FHIT: variants seen among roughly 807,000 people sequenced by gnomAD.
FHIT encodes the protein fragile histidine triad diadenosine triphosphatase.
In FHIT, 19 loss-of-function variants were observed where a neutral mutation model predicts 17.9. The observed-to-expected ratio is 1.06, with a 90% CI of 0.74 to 1.56. FHIT has a LOEUF of 1.56. Ranked by LOEUF, FHIT falls within the 40% of genes most tolerant of loss-of-function variation. FHIT has a pLI of 0.00. For missense variants in FHIT, 248 were observed against 189.2 expected, an observed-to-expected ratio of 1.31 and a Z score of -1.82; for synonymous variants, 81 against 69.7, an observed-to-expected ratio of 1.16 and a Z score of -0.81.
chr3:60,254,422 T>C (rs1403182923), intron 5 of FHIT, among the ~76,000 whole-genome samples: 5 of 152,084 alleles, frequency 3.3e-5, no homozygotes, highest in Non-Finnish European at 7.4e-5. Context: ...AAATTAGAGA[T>C]ACTATATCAA....
intron 8 of FHIT, among the ~76,000 whole-genome samples, chr3:59,856,071 A>G (rs891198929): frequency 3.9e-5 from 6 of 152,122 alleles, no homozygotes; most frequent in Non-Finnish European, 4.4e-5. Flanking sequence ...GTGAGCCACC[A>G]CGCCCAGCCA....
intron 5 of FHIT, among the ~76,000 whole-genome samples, chr3:60,179,809 T>G (rs1701843798): frequency 6.6e-6 from 1 of 152,174 alleles, no homozygotes; most frequent in Admixed American, 6.5e-5. Context: ...CATTTCTTCC[T>G]GACATCTTGG....
At position 60,564,876 on chromosome 3, in the gene FHIT, A is replaced by G. The variant is rs114116984; in HGVS notation, c.-17-27897T>C. Among the ~76,000 whole-genome samples, 1,429 of 152,332 alleles carry G rather than the reference A, an allele frequency of 9.4e-3. 8 individuals are homozygous for G. Among genetic ancestry groups the G allele is most frequent in the Non-Finnish European group, 0.016 (1,061 of 68,026 alleles). On this transcript the variant is annotated intron_variant, in intron 4 of 9. Coordinates refer to ENST00000492590, the MANE Select transcript of FHIT (RefSeq NM_002012.4). ...GTTGATAAAACAACAGCACTGTCAAAGACGATTAACTCTAATTTTAAAATA... is the reference window on the plus strand; with the variant it reads ...GTTGATAAAACAACAGCACTGTCAAGGACGATTAACTCTAATTTTAAAATA...
chr3:59,918,529 G>A (rs760025492), intron 8 of FHIT, among the ~76,000 whole-genome samples: 22 of 152,018 alleles, frequency 1.4e-4, no homozygotes, highest in Admixed American at 6.6e-4. Flanking sequence ...AAACTCACCT[G>A]GGGCCAGAGC....
intron 7 of FHIT, among the ~76,000 whole-genome samples, chr3:59,993,717 C>G (rs924095973): frequency 1.2e-4 from 18 of 151,692 alleles, no homozygotes; most frequent in African/African-American, 1.9e-4. Context: ...ACTAGGACTC[C>G]CCCAACATTT....
intron 4 of FHIT, among the ~76,000 whole-genome samples, chr3:60,638,465 A>G (rs558800494): frequency 6.6e-6 from 1 of 152,326 alleles, no homozygotes; most frequent in Admixed American, 6.5e-5. Flanking sequence ...GGATAATAGT[A>G]CATTACATCA....
intron 5 of FHIT, among the ~76,000 whole-genome samples, chr3:60,389,736 T>C (rs1701148966): frequency 6.6e-6 from 1 of 152,224 alleles, no homozygotes; most frequent in Non-Finnish European, 1.5e-5. Flanking sequence ...ATTGTTCACT[T>C]AAGTAAACAC....
At chr3:60,463,372 A>G (rs542323126) in intron 5 of FHIT, among the ~76,000 whole-genome samples, 3 of 152,298 alleles carry the variant, frequency 2.0e-5, no homozygotes, top group East Asian at 1.9e-4. Flanking sequence ...CTTTTGGTTG[A>G]TAAGGATTTA....
chr3:59,901,949 T>C (rs111410053), intron 8 of FHIT, among the ~76,000 whole-genome samples: 1,832 of 152,284 alleles, frequency 0.012, 14 homozygotes, highest in Admixed American at 0.029. Context: ...TGGAATATTA[T>C]TTAGCAATAA....
At chr3:60,057,694 A>G (rs1448477163) in intron 5 of FHIT, among the ~76,000 whole-genome samples, 11 of 136,064 alleles carry the variant, frequency 8.1e-5, no homozygotes, top group East Asian at 8.1e-4. Flanking sequence ...AGGCCTCTCG[A>G]AAAAAAAAAA....
At chr3:60,579,233 CGCTATAT>C (rs2037676076) in intron 4 of FHIT, among the ~76,000 whole-genome samples, 1 of 152,088 alleles carries the variant, frequency 6.6e-6, no homozygotes, top group South Asian at 2.1e-4. Context: ...ATAGGCTATA[CGCTATAT>C]GCTATATGCT....
intron 2 of FHIT, among the ~76,000 whole-genome samples, chr3:61,124,083 G>T (rs1348387932): frequency 1.3e-5 from 2 of 152,124 alleles, no homozygotes; most frequent in Non-Finnish European, 2.9e-5. Flanking sequence ...TGAAGAGAAA[G>T]AATTGTATTT....
intron 5 of FHIT, among the ~76,000 whole-genome samples, chr3:60,088,822 G>A (rs1026374977): frequency 3.3e-5 from 5 of 152,144 alleles, no homozygotes; most frequent in South Asian, 4.1e-4. Context: ...ATTAGTACTA[G>A]GCATACCATT....
chr3:60,177,512 A>G (rs1264026797), intron 5 of FHIT, among the ~76,000 whole-genome samples: 3 of 152,220 alleles, frequency 2.0e-5, no homozygotes, highest in African/African-American at 7.2e-5. Flanking sequence ...GTCCCTTCGC[A>G]TAGAAGTAGG....
chr3:59,845,706 C>T (rs890792354), intron 8 of FHIT, among the ~76,000 whole-genome samples: 4 of 152,054 alleles, frequency 2.6e-5, no homozygotes, highest in South Asian at 2.1e-4. Flanking sequence ...TATGGTCTAT[C>T]CTGGAAAATG....
At chr3:61,034,545 G>A (rs898339152) in intron 3 of FHIT, among the ~76,000 whole-genome samples, 25 of 152,280 alleles carry the variant, frequency 1.6e-4, no homozygotes, top group African/African-American at 6.0e-4. Flanking sequence ...CTCATCATTA[G>A]TCATTAGGGA....
intron 5 of FHIT, among the ~76,000 whole-genome samples, chr3:60,099,519 T>C (rs1453569923): frequency 6.6e-6 from 1 of 152,156 alleles, no homozygotes; most frequent in Non-Finnish European, 1.5e-5. Flanking sequence ...GTACCCTCTA[T>C]GCCTCTAATG....
intron 1 of FHIT, among the ~76,000 whole-genome samples, chr3:61,247,921 A>G (rs1475933519): frequency 2.6e-5 from 4 of 152,222 alleles, no homozygotes; most frequent in Non-Finnish European, 5.9e-5. Context: ...ACCAAGGGCT[A>G]AGTAACCTGT....
chr3:61,036,221 T>G (rs932626883), intron 3 of FHIT, among the ~76,000 whole-genome samples: 1 of 152,016 alleles, frequency 6.6e-6, no homozygotes, highest in African/African-American at 2.4e-5. Context: ...TGTGGTAGGT[T>G]CCACACACCT....
Sources: gnomAD v4.1 joint callset for allele counts (sites outside exome capture counted in the v4.1 genomes callset) on GRCh38, gnomAD v4.1.1 for gene constraint, MANE v1.5 for transcripts, NCBI Gene and HGNC (gene_info 2026-07-23, HGNC 2026-07-21) for gene names.